Variants in LRRC63 observed in about 807,000 individuals in gnomAD.
The protein encoded by LRRC63 is leucine rich repeat containing 63, also known as leucine-rich repeat-containing protein 63.
LRRC63 carries 40 observed loss-of-function variants against 49.5 expected under a neutral mutation model. The ratio of observed to expected loss-of-function variants is 0.81; its 90% confidence interval spans 0.63 to 1.05. The LOEUF (loss-of-function observed/expected upper bound fraction) is 1.05, where lower values mean the gene tolerates loss of function less well. LRRC63 is among the 50% of genes least tolerant of loss of function. LRRC63 has a pLI of 0.00. For synonymous variants in LRRC63, 191 were observed against 221.1 expected, an observed-to-expected ratio of 0.86 and a Z score of 1.21; for missense variants, 636 against 663.1, an observed-to-expected ratio of 0.96 and a Z score of 0.45.
At chr13:46,221,707 A>C (rs1047724302) in intron 2 of LRRC63, among the ~76,000 whole-genome samples, 2 of 152,180 alleles carry the variant, frequency 1.3e-5, no homozygotes, top group African/African-American at 4.8e-5. Context: ...TTTGTCTTCA[A>C]GTTCAAGACT....
intron 2 of LRRC63, among the ~76,000 whole-genome samples, chr13:46,223,011 TGA>T (rs1197492103): frequency 6.2e-5 from 8 of 128,944 alleles, no homozygotes; most frequent in Non-Finnish European, 1.2e-4. Context: ...AATTGAACAA[TGA>T]GAACACATGG....
intron 5 of LRRC63, among the ~76,000 whole-genome samples, chr13:46,237,061 G>C (rs1208249360): frequency 6.6e-6 from 1 of 152,068 alleles, no homozygotes; most frequent in South Asian, 2.1e-4. Context: ...ATACACAAAA[G>C]GATGTGAGGA....
At chr13:46,263,265 C>A (rs1036563414) in intron 8 of LRRC63, among the ~76,000 whole-genome samples, 4 of 152,042 alleles carry the variant, frequency 2.6e-5, no homozygotes, top group African/African-American at 9.7e-5. Flanking sequence ...CGGCCTTGAA[C>A]TCCTGGACTC....
intron 4 of LRRC63, 38 bp downstream of exon 4, chr13:46,228,771 A>T: frequency 7.5e-7 from 1 of 1,331,648 alleles, no homozygotes; most frequent in Non-Finnish European, 1.0e-6. Flanking sequence ...TAGAAAATGT[A>T]TGTAAGATTA....
chr13:46,212,287 G>A (rs2046113754), intron 1 of LRRC63, 28 bp downstream of exon 1: 1 of 152,202 alleles, frequency 6.6e-6, no homozygotes, highest in South Asian at 2.1e-4. Context: ...GCAGTTTCAG[G>A]GTGTTCCCTT....
intron 9 of LRRC63, among the ~76,000 whole-genome samples, chr13:46,273,462 C>T (rs1261551340): frequency 6.6e-6 from 1 of 151,740 alleles, no homozygotes; most frequent in African/African-American, 2.4e-5. Flanking sequence ...ATTAGCGGGG[C>T]GTGCTGGCGG....
intron 2 of LRRC63, among the ~76,000 whole-genome samples, chr13:46,220,736 G>A (rs1482113383): frequency 6.6e-6 from 1 of 152,152 alleles, no homozygotes; most frequent in African/African-American, 2.4e-5. Context: ...GGCCCTGGTG[G>A]TGTAGGCACC....
chr13:46,216,462 G>A (rs2046254559), intron 2 of LRRC63, among the ~76,000 whole-genome samples: 1 of 152,182 alleles, frequency 6.6e-6, no homozygotes, highest in Non-Finnish European at 1.5e-5. Context: ...TTTACACATT[G>A]ATTTTGTATC....
At chr13:46,243,410 A>G (rs190650636) in intron 5 of LRRC63, among the ~76,000 whole-genome samples, 3 of 152,334 alleles carry the variant, frequency 2.0e-5, no homozygotes, top group Admixed American at 2.0e-4. Context: ...TAAGCAGAAA[A>G]TGAATAACAA....
chr13:46,224,913 G>A (rs1454368409), intron 2 of LRRC63, among the ~76,000 whole-genome samples: 1 of 152,192 alleles, frequency 6.6e-6, no homozygotes, highest in African/African-American at 2.4e-5. Context: ...GTTGTGCTGG[G>A]GACAGGCCCC....
Position 46,271,238 on chromosome 13 carries a change from A to G in LRRC63, c.1550+4266A>G, listed in dbSNP as rs755128257. 3.7e-4 allele frequency among the ~76,000 whole-genome samples: 56 copies of G among 152,218 alleles called. No homozygotes were observed. The Middle Eastern group carries it at 0.014, about 37-fold the overall frequency. ...CAAGGGCTAACTGTACTACATTTTA[A>G]CCTACTTCTGTTTGAACATTATGGT... On this transcript the variant is annotated intron_variant, in intron 9 of 9. Coordinates refer to ENST00000595396, the Ensembl canonical transcript of LRRC63.
Position 46,264,131 on chromosome 13 carries a change from C to T in LRRC63, c.1310+2139C>T, listed in dbSNP as rs12584517. Reference sequence around the variant, plus strand: ...AGTTTGATTCTTTTTTCTTCCTAAGCGACTTTTCTTCTTGACTGGAAAGAC... The same window carrying T: ...AGTTTGATTCTTTTTTCTTCCTAAGTGACTTTTCTTCTTGACTGGAAAGAC... On this transcript the variant is annotated intron_variant, in intron 8 of 9. Coordinates refer to ENST00000595396, the Ensembl canonical transcript of LRRC63. Among the ~76,000 whole-genome samples, 472 of 152,228 alleles carry T rather than the reference C, an allele frequency of 3.1e-3. 13 individuals are homozygous for T. In the East Asian group the frequency reaches 0.075, roughly 24 times the overall value.
chr13:46,215,463 TG>T (rs1316761242), intron 2 of LRRC63, among the ~76,000 whole-genome samples: 3 of 112,266 alleles, frequency 2.7e-5, no homozygotes, highest in Non-Finnish European at 5.1e-5. Flanking sequence ...TGGGGTGGTT[TG>T]TTTTTTTTTA....
chr13:46,227,699 A>G, exon 3 of LRRC63: 1 of 1,550,452 alleles, frequency 6.4e-7, no homozygotes, highest in Non-Finnish European at 8.7e-7. Flanking sequence ...CACCCCAGAA[A>G]TCTACTAAGC....
intron 8 of LRRC63, among the ~76,000 whole-genome samples, chr13:46,265,546 G>A (rs1050670734): frequency 6.6e-6 from 1 of 152,150 alleles, no homozygotes; most frequent in Admixed American, 6.5e-5. Flanking sequence ...GAAGGGGTGA[G>A]GGCTCTCTCA....
intron 2 of LRRC63, among the ~76,000 whole-genome samples, chr13:46,219,670 G>A (rs1372508042): frequency 6.6e-6 from 1 of 152,184 alleles, no homozygotes. Context: ...TCCTTTGGAG[G>A]AGAAGAGGCA....
chr13:46,230,342 T>C (rs2046711920), intron 4 of LRRC63, among the ~76,000 whole-genome samples: 1 of 152,174 alleles, frequency 6.6e-6, no homozygotes, highest in Non-Finnish European at 1.5e-5. Context: ...TAATAGGATA[T>C]ATGTATATAT....
chr13:46,270,345 A>G (rs531285250), intron 9 of LRRC63: 494 of 864,168 alleles, frequency 5.7e-4, no homozygotes, highest in Non-Finnish European at 9.4e-4. Flanking sequence ...TGGGGGGCAC[A>G]GTTTCTAACA....
At chr13:46,276,746 A>C in exon 10 of LRRC63, 1 of 1,226,856 alleles carries the variant, frequency 8.2e-7, no homozygotes, top group Non-Finnish European at 1.0e-6. Context: ...GTTTTGTTTT[A>C]GATGGTAGTC....
Sources: gnomAD v4.1 joint callset for allele counts (sites outside exome capture counted in the v4.1 genomes callset) on GRCh38, gnomAD v4.1.1 for gene constraint, MANE v1.5 for transcripts, NCBI Gene and HGNC (gene_info 2026-07-23, HGNC 2026-07-21) for gene names.